Variants in HS6ST2 observed in about 807,000 individuals in gnomAD.
HS6ST2 encodes heparan-sulfate 6-O-sulfotransferase 2.
Under a neutral mutation model 33.0 loss-of-function variants are expected in HS6ST2, and 17 were observed. The observed-to-expected ratio is 0.52, with a 90% CI of 0.35 to 0.77. The LOEUF is 0.77. Among genes scored for constraint, HS6ST2 ranks in the 30% least tolerant of loss-of-function variants. The pLI is 0.01. For synonymous variants in HS6ST2, 248 were observed against 237.1 expected, an observed-to-expected ratio of 1.05 and a Z score of -0.42; for missense variants, 519 against 551.7, an observed-to-expected ratio of 0.94 and a Z score of 0.59.
At chrX:132,937,544 G>T (rs984987439) in intron 2 of HS6ST2, among the ~76,000 whole-genome samples, 5 of 111,432 alleles carry the variant, frequency 4.5e-5, no homozygotes, top group African/African-American at 1.6e-4. Flanking sequence ...AAAAATCTGT[G>T]TATTTACATC....
At chrX:132,703,293 G>A (rs2064160061) in intron 3 of HS6ST2, among the ~76,000 whole-genome samples, 1 of 112,683 alleles carries the variant, frequency 8.9e-6, no homozygotes, top group South Asian at 3.7e-4. Flanking sequence ...ACTGACAGCT[G>A]GGACCAAGAA....
chrX:132,652,510 A>G (rs2063701380), intron 4 of HS6ST2, among the ~76,000 whole-genome samples: 1 of 111,658 alleles, frequency 9.0e-6, no homozygotes, highest in Non-Finnish European at 1.9e-5. Flanking sequence ...AGCCCTATAA[A>G]ATTTATCACT....
At chrX:132,954,391 A>G (rs747143198) in intron 2 of HS6ST2, among the ~76,000 whole-genome samples, 71 of 111,503 alleles carry the variant, frequency 6.4e-4, no homozygotes, top group Admixed American at 5.7e-4. Flanking sequence ...TCACCCCCAC[A>G]TTTCACCATC....
intron 2 of HS6ST2, among the ~76,000 whole-genome samples, chrX:132,858,448 C>G (rs761357409): frequency 2.7e-5 from 3 of 112,126 alleles, no homozygotes; most frequent in Non-Finnish European, 5.6e-5. Flanking sequence ...GTTTGCCTTA[C>G]CTCCTGTGTT....
intron 2 of HS6ST2, among the ~76,000 whole-genome samples, chrX:132,745,120 G>A: frequency 9.0e-6 from 1 of 111,178 alleles, no homozygotes. Flanking sequence ...GAGTCTTGCT[G>A]TGTCACCCAG....
At chrX:132,798,276 C>T (rs2065203953) in intron 2 of HS6ST2, among the ~76,000 whole-genome samples, 2 of 110,378 alleles carry the variant, frequency 1.8e-5, no homozygotes, top group Non-Finnish European at 3.8e-5. Flanking sequence ...GAATGCAGAT[C>T]TTCAGATTGA....
intron 2 of HS6ST2, among the ~76,000 whole-genome samples, chrX:132,902,727 A>G (rs1267831893): frequency 8.9e-6 from 1 of 111,892 alleles, no homozygotes; most frequent in Admixed American, 9.5e-5. Context: ...GGAAGTCTAC[A>G]ATTTCCAAAG....
chrX:132,669,267 A>G, intron 3 of HS6ST2, 68 bp from the exon 4 acceptor site: 1 of 971,010 alleles, frequency 1.0e-6, no homozygotes. Flanking sequence ...GCAATTAGTC[A>G]CTTCATTTAA....
At chrX:132,824,783 T>C (rs1029800845) in intron 2 of HS6ST2, among the ~76,000 whole-genome samples, 1 of 112,813 alleles carries the variant, frequency 8.9e-6, no homozygotes, top group African/African-American at 3.2e-5. Flanking sequence ...ATTTACTGCA[T>C]TAAAAAGTGC....
chrX:132,787,130 AC>A (rs1450291647), intron 2 of HS6ST2, among the ~76,000 whole-genome samples: 2 of 92,367 alleles, frequency 2.2e-5, no homozygotes, highest in Admixed American at 2.5e-4. Flanking sequence ...CACCATTAAA[AC>A]TATATACTCC....
chrX:132,867,339 C>T (rs1402988884), intron 2 of HS6ST2, among the ~76,000 whole-genome samples: 50 of 98,556 alleles, frequency 5.1e-4, no homozygotes, highest in East Asian at 6.3e-4. Flanking sequence ...CCCACTTGAT[C>T]ATGGTGGATA....
At chrX:132,939,274 A>G (rs752728106) in intron 2 of HS6ST2, among the ~76,000 whole-genome samples, 1 of 111,112 alleles carries the variant, frequency 9.0e-6, no homozygotes, top group Non-Finnish European at 1.9e-5. Flanking sequence ...ATACTCTGAA[A>G]AACTATTAGA....
At chrX:132,853,957 A>G (rs2065828360) in intron 2 of HS6ST2, among the ~76,000 whole-genome samples, 1 of 110,595 alleles carries the variant, frequency 9.0e-6, no homozygotes, top group Admixed American at 9.6e-5. Flanking sequence ...TGTGGAGGTG[A>G]AGGCTGCAGT....
chrX:132,782,047 G>A (rs1186776692), intron 2 of HS6ST2, among the ~76,000 whole-genome samples: 2 of 111,777 alleles, frequency 1.8e-5, no homozygotes, highest in Non-Finnish European at 3.8e-5. Flanking sequence ...AAAAATATGA[G>A]TGTTTGGGAG....
At chrX:132,867,063 T>G (rs1449062360) in intron 2 of HS6ST2, among the ~76,000 whole-genome samples, 1 of 89,249 alleles carries the variant, frequency 1.1e-5, no homozygotes, top group Non-Finnish European at 2.2e-5. Flanking sequence ...GTGTCAGTTT[T>G]CAAAGGGAAT....
intron 2 of HS6ST2, among the ~76,000 whole-genome samples, chrX:132,794,335 A>G (rs2065151128): frequency 8.9e-6 from 1 of 111,822 alleles, no homozygotes. Context: ...AATTTCTTAT[A>G]ATCACTTATG....
rs183428950 is a variant in HS6ST2, at chrX:132,849,368, G to A, written c.947+107440C>T. Among the ~76,000 whole-genome samples, 22 of 111,430 alleles carry A rather than the reference G, an allele frequency of 2.0e-4. No homozygotes were observed. The East Asian group carries it at 5.9e-3, about 30-fold the overall frequency. Reference sequence around the variant, plus strand: ...GAGGTGTATACAGAAAAAAAATCAAGTGGGGAGGTTGCCAGGCAAACACAA... The same window carrying A: ...GAGGTGTATACAGAAAAAAAATCAAATGGGGAGGTTGCCAGGCAAACACAA... On this transcript the variant is annotated intron_variant, in intron 2 of 4. Transcript: ENST00000370833.
At chrX:132,889,193 G>A (rs1157245048) in intron 2 of HS6ST2, among the ~76,000 whole-genome samples, 1 of 110,534 alleles carries the variant, frequency 9.0e-6, no homozygotes. Context: ...AGTAGGGAGG[G>A]CCCAGCTAAG....
intron 3 of HS6ST2, among the ~76,000 whole-genome samples, chrX:132,701,124 T>C (rs1238668426): frequency 8.9e-6 from 1 of 112,459 alleles, no homozygotes; most frequent in Non-Finnish European, 1.9e-5. Context: ...AGTTGACTTG[T>C]GTTCTTCTCT....
Sources: allele counts gnomAD v4.1 joint callset (sites outside exome capture counted in the v4.1 genomes callset), GRCh38; gene constraint gnomAD v4.1.1; transcripts MANE v1.5; gene names NCBI Gene and HGNC (gene_info 2026-07-23, HGNC 2026-07-21).